Variants in PDE4B observed in about 807,000 individuals in gnomAD.
PDE4B encodes the protein phosphodiesterase 4B.
In PDE4B, 20 loss-of-function variants were observed where a neutral mutation model predicts 82.2. The observed-to-expected ratio is 0.24, with a 90% CI of 0.17 to 0.35. The LOEUF (loss-of-function observed/expected upper bound fraction) is 0.35, where lower values mean the gene tolerates loss of function less well. PDE4B is among the 10% of genes least tolerant of loss of function. The pLI is 1.00. For missense variants in PDE4B, 655 were observed against 907.2 expected, an observed-to-expected ratio of 0.72 and a Z score of 3.57; for synonymous variants, 320 against 318.9, an observed-to-expected ratio of 1.00 and a Z score of -0.04.
chr1:66,115,280 C>G (rs1467733350), intron 3 of PDE4B, among the ~76,000 whole-genome samples: 2 of 152,168 alleles, frequency 1.3e-5, no homozygotes, highest in South Asian at 2.1e-4. Context: ...CACCAATGCC[C>G]CGTTTTCACG....
At chr1:66,055,632 C>T (rs947064745) in intron 3 of PDE4B, among the ~76,000 whole-genome samples, 2 of 152,148 alleles carry the variant, frequency 1.3e-5, no homozygotes, top group Non-Finnish European at 2.9e-5. Flanking sequence ...TATAGCAACT[C>T]CTTCTTTGTC....
chr1:65,969,948 G>T (rs1400625649), intron 3 of PDE4B, among the ~76,000 whole-genome samples: 1 of 151,792 alleles, frequency 6.6e-6, no homozygotes, highest in East Asian at 1.9e-4. Context: ...AGAAAATTAT[G>T]GTCCACTCTC....
intron 3 of PDE4B, among the ~76,000 whole-genome samples, chr1:66,096,395 AC>A (rs1332085098): frequency 6.6e-6 from 1 of 150,876 alleles, no homozygotes; most frequent in Non-Finnish European, 1.5e-5. Flanking sequence ...CAGTTGCATA[AC>A]AACCACCACA....
At chr1:66,295,460 G>C (rs145026823) in intron 7 of PDE4B, among the ~76,000 whole-genome samples, 2 of 151,398 alleles carry the variant, frequency 1.3e-5, no homozygotes, top group Non-Finnish European at 2.9e-5. Context: ...GTTTTCTGAC[G>C]GAGTCTCACT....
intron 3 of PDE4B, among the ~76,000 whole-genome samples, chr1:66,089,915 C>T (rs1383385139): frequency 6.6e-6 from 1 of 151,984 alleles, no homozygotes; most frequent in East Asian, 1.9e-4. Context: ...TAAAATGCTT[C>T]ATTGGTCACA....
intron 3 of PDE4B, among the ~76,000 whole-genome samples, chr1:66,165,907 A>G (rs934913209): frequency 2.6e-5 from 4 of 151,934 alleles, no homozygotes; most frequent in Admixed American, 1.3e-4. Flanking sequence ...TAGGATTCAT[A>G]TGGAAATGCA....
At chr1:65,866,452 G>A (rs1254628764) in intron 1 of PDE4B, among the ~76,000 whole-genome samples, 4 of 152,042 alleles carry the variant, frequency 2.6e-5, no homozygotes, top group Non-Finnish European at 5.9e-5. Context: ...AATAAAGTCA[G>A]CAACAACAAC....
intron 3 of PDE4B, among the ~76,000 whole-genome samples, chr1:66,234,793 C>T (rs1652273626): frequency 6.6e-6 from 1 of 151,938 alleles, no homozygotes; most frequent in South Asian, 2.1e-4. Context: ...TTTATTTCCG[C>T]TCTATCTTTA....
rs1160349346 is a variant in PDE4B, at chr1:65,792,979, TCCGCGCGCGCGCCCCCGGC to T, written c.-331_-313del. Among the ~76,000 whole-genome samples the T allele has an allele frequency of 6.6e-6, 1 of 151,670 alleles. No homozygotes were observed. Among genetic ancestry groups the T allele is most frequent in the Admixed American group, 6.6e-5 (1 of 15,240 alleles). On this transcript the variant is annotated 5_prime_UTR_variant, in exon 1 of 17. Coordinates refer to ENST00000341517, the MANE Select transcript of PDE4B (RefSeq NM_002600.4). ...TTCCCCAGGCTAGCCCGCTGGCCCG[TCCGCGCGCGCGCCCCCGGC>T]CCGCGCGCCCCTTCCCGGGGCTCCT...
chr1:65,934,536 CA>C (rs1465962937), intron 3 of PDE4B, among the ~76,000 whole-genome samples: 1 of 152,166 alleles, frequency 6.6e-6, no homozygotes, highest in Non-Finnish European at 1.5e-5. Flanking sequence ...TTTTCTCTAT[CA>C]ATGCTTACTT....
chr1:66,288,221 CA>C lies in PDE4B; in HGVS notation c.634+22136del, dbSNP rs376888655. Among the ~76,000 whole-genome samples the C allele has an allele frequency of 4.3e-4, 65 of 151,998 alleles. No individual in the cohort carries two copies. The East Asian group carries it at 0.011, about 25-fold the overall frequency. ...CAGAGCAGGGGCAAGAGAGAGAGGG[CA>C]AGGTGCCACACTTTTAAATAGCCAG... is the stretch of plus-strand genomic sequence containing the variant. On this transcript the variant is annotated intron_variant, in intron 7 of 16. Coordinates refer to ENST00000341517, the MANE Select transcript of PDE4B (RefSeq NM_002600.4).
rs1425375498 is a variant in PDE4B at position 65,798,352 on chromosome 1, G to A, written c.-71+5104G>A. On this transcript the variant is annotated intron_variant, in intron 1 of 16. Transcript: ENST00000341517. ...CGGCTCACTGCAAGCTCCGCTTCCC[G>A]GGTTCACGCCATTCTCCTGCCTCAG... Among the ~76,000 whole-genome samples, 4 of 79,662 alleles carry A rather than the reference G, an allele frequency of 5.0e-5. 1 individual carries two copies. Among genetic ancestry groups the A allele is most frequent in the Non-Finnish European group, 8.2e-5 (4 of 48,910 alleles). The allele number at this position is 79,662 out of a possible 152,430, so 52.3% of individuals were successfully genotyped here. A position where few individuals can be genotyped will look rare whatever the true frequency, so the allele number is the denominator to read the frequency against.
At chr1:65,879,207 A>C (rs1459725950) in intron 1 of PDE4B, among the ~76,000 whole-genome samples, 1 of 152,138 alleles carries the variant, frequency 6.6e-6, no homozygotes, top group Non-Finnish European at 1.5e-5. Context: ...CCAGGCCATA[A>C]AATACAAACC....
At chr1:65,903,501 G>A (rs1002296469) in intron 1 of PDE4B, among the ~76,000 whole-genome samples, 1 of 151,904 alleles carries the variant, frequency 6.6e-6, no homozygotes, top group Admixed American at 6.6e-5. Flanking sequence ...GGCTGATGTC[G>A]GAGAATCTGT....
Position 66,368,927 on chromosome 1 carries a change from C to T in PDE4B, c.1803C>T (p.Ser601=), listed in dbSNP as rs373800241. Residue 601 remains serine, a synonymous_variant, in exon 16 of 17, where the codon AGC becomes AGT. Transcript: ENST00000341517. ...AGCGGGAGAGGGGAATGGAAATTAGCCCAATGTGTGATAAACACACAGCTT... is the reference window on the plus strand; with the variant it reads ...AGCGGGAGAGGGGAATGGAAATTAGTCCAATGTGTGATAAACACACAGCTT... The part of the protein sequence containing the change: ...DKERERGMEI[S]PMCDKHTASV... 1 of 1,612,674 alleles carries T rather than the reference C, an allele frequency of 6.2e-7. No individual in the cohort carries two copies. Among genetic ancestry groups the T allele is most frequent in the Non-Finnish European group, 8.5e-7 (1 of 1,179,312 alleles).
chr1:66,248,888 G>A (rs978233502), intron 4 of PDE4B, among the ~76,000 whole-genome samples: 5 of 152,278 alleles, frequency 3.3e-5, no homozygotes, highest in African/African-American at 9.6e-5. Flanking sequence ...AATCTGTCAG[G>A]TAGGTGTCTT....
chr1:66,049,904 G>A (rs1226142847), intron 3 of PDE4B, among the ~76,000 whole-genome samples: 1 of 152,124 alleles, frequency 6.6e-6, no homozygotes, highest in East Asian at 1.9e-4. Context: ...TGAAAAAAAT[G>A]TATTTACGTT....
intron 3 of PDE4B, among the ~76,000 whole-genome samples, chr1:66,098,713 G>A (rs1039377300): frequency 7.9e-5 from 12 of 152,102 alleles, no homozygotes; most frequent in African/African-American, 2.2e-4. Flanking sequence ...TATAATGGGC[G>A]TACCTGTTGC....
At chr1:65,836,264 A>T (rs897513056) in intron 1 of PDE4B, among the ~76,000 whole-genome samples, 9 of 152,098 alleles carry the variant, frequency 5.9e-5, no homozygotes, top group Non-Finnish European at 1.5e-5. Flanking sequence ...CTCTCTTTAG[A>T]TGGGTCATAC....
Sources: gnomAD v4.1 joint callset for allele counts (sites outside exome capture counted in the v4.1 genomes callset) on GRCh38, gnomAD v4.1.1 for gene constraint, MANE v1.5 for transcripts, NCBI Gene and HGNC (gene_info 2026-07-23, HGNC 2026-07-21) for gene names.